TENM4: variants seen among roughly 807,000 people sequenced by gnomAD.
TENM4 encodes the protein teneurin-4.
A neutral mutation model predicts 243.3 loss-of-function variants in TENM4; 82 were observed. The ratio of observed to expected loss-of-function variants is 0.34; its 90% CI spans 0.28 to 0.40. TENM4 has a LOEUF of 0.40. TENM4 is among the 10% of genes least tolerant of loss of function. The pLI, the probability that TENM4 is intolerant of heterozygous loss-of-function variation, is 1.00. For missense variants in TENM4, 3,138 were observed against 3,673.3 expected (o/e 0.85, Z 3.77); for synonymous variants, 1,412 against 1,456.3 (o/e 0.97, Z 0.69).
intron 4 of TENM4, among the ~76,000 whole-genome samples, chr11:79,144,693 T>C (rs1862363542): frequency 6.6e-6 from 1 of 151,982 alleles, no homozygotes; most frequent in African/African-American, 2.4e-5. Context: ...AAGACAAACT[T>C]TGCATGTTCT....
chr11:79,172,234 T>C (rs759328884), intron 3 of TENM4, among the ~76,000 whole-genome samples: 1 of 152,126 alleles, frequency 6.6e-6, no homozygotes, highest in African/African-American at 2.4e-5. Context: ...ATCACAGGCA[T>C]GAGTCAATGC....
chr11:78,928,237 TC>T (rs776168712), intron 6 of TENM4, among the ~76,000 whole-genome samples: 27 of 152,338 alleles, frequency 1.8e-4, no homozygotes, highest in Admixed American at 1.2e-3. Flanking sequence ...TGGAGCAGTT[TC>T]CTGGAAGGAG....
At chr11:79,317,781 C>T (rs1301719509) in intron 1 of TENM4, among the ~76,000 whole-genome samples, 1 of 152,170 alleles carries the variant, frequency 6.6e-6, no homozygotes, top group Admixed American at 6.5e-5. Flanking sequence ...CCCAAAATAA[C>T]CTCTTTCCTA....
intron 19 of TENM4, among the ~76,000 whole-genome samples, chr11:78,746,150 A>T (rs1203674157): frequency 6.6e-6 from 1 of 152,168 alleles, no homozygotes; most frequent in Non-Finnish European, 1.5e-5. Context: ...TTTAAGTTAC[A>T]GGGGTCTTCT....
chr11:79,339,156 G>T (rs1163107675), intron 1 of TENM4, among the ~76,000 whole-genome samples: 2 of 152,134 alleles, frequency 1.3e-5, no homozygotes, highest in Non-Finnish European at 2.9e-5. Flanking sequence ...ATTGTTGGAC[G>T]GGGCTGTCCT....
intron 12 of TENM4, among the ~76,000 whole-genome samples, chr11:78,852,716 A>G (rs1858569144): frequency 6.6e-6 from 1 of 152,084 alleles, no homozygotes; most frequent in Non-Finnish European, 1.5e-5. Context: ...GTCTTGTAAG[A>G]GTTTTGGAAA....
At chr11:79,203,669 C>G (rs1324433840) in intron 3 of TENM4, among the ~76,000 whole-genome samples, 1 of 152,158 alleles carries the variant, frequency 6.6e-6, no homozygotes, top group African/African-American at 2.4e-5. Context: ...GTATCCAAAT[C>G]CAAGAATCTT....
At position 78,669,770 on chromosome 11, in the gene TENM4, T is replaced by C; in HGVS notation, c.6575A>G (p.Tyr2192Cys). The stretch of plus-strand genomic sequence containing the variant: ...GCCGTCAGCATCATACTCATAGGAG[T>C]AGCGAGTGGTATTGGCGTAGGGTCC... ...KVGPYANTTRYSYEYDADGQL... is the reference protein window; with the variant it reads ...KVGPYANTTRCSYEYDADGQL... The change falls in exon 32 of 34, where the codon TAC becomes TGC. Residue 2192 changes from tyrosine to cysteine, a missense_variant. By Grantham distance (194) the Tyr-to-Cys change is radical. Coordinates refer to ENST00000278550, the MANE Select transcript of TENM4 (RefSeq NM_001098816.3). The surrounding 1 kb of genome is among the most constrained non-coding windows in gnomAD (Gnocchi z 6.4). 1 of 1,613,726 alleles carries C rather than the reference T, an allele frequency of 6.2e-7. No homozygotes were observed. Among genetic ancestry groups the C allele is most frequent in the South Asian group, 1.1e-5 (1 of 91,062 alleles).
intron 2 of TENM4, among the ~76,000 whole-genome samples, chr11:79,239,899 T>C (rs1864555752): frequency 6.6e-6 from 1 of 152,038 alleles, no homozygotes; most frequent in Non-Finnish European, 1.5e-5. Flanking sequence ...ACTTCAGAAC[T>C]CTCCAGGCCT....
intron 6 of TENM4, among the ~76,000 whole-genome samples, chr11:79,017,610 T>G (rs762305265): frequency 1.4e-4 from 21 of 152,172 alleles, no homozygotes; most frequent in Admixed American, 7.2e-4. Context: ...AACTAATACT[T>G]TGTAACTACA....
At chr11:79,235,140 C>T (rs1397876815) in intron 2 of TENM4, among the ~76,000 whole-genome samples, 2 of 152,046 alleles carry the variant, frequency 1.3e-5, no homozygotes, top group African/African-American at 2.4e-5. Context: ...GGTGAAACCC[C>T]GTCTCTACTA....
chr11:79,358,512 A>G (rs1857534662), intron 1 of TENM4, among the ~76,000 whole-genome samples: 1 of 152,176 alleles, frequency 6.6e-6, no homozygotes, highest in African/African-American at 2.4e-5. Flanking sequence ...CTGTATGCAT[A>G]GCGTGATCAC....
At chr11:79,414,549 C>T (rs977608028) in intron 1 of TENM4, among the ~76,000 whole-genome samples, 9 of 152,140 alleles carry the variant, frequency 5.9e-5, no homozygotes, top group South Asian at 4.1e-4. Flanking sequence ...AACCTGCTGC[C>T]GAAAGCTTCT....
chr11:79,139,665 T>TATA (rs1248113847), intron 4 of TENM4, among the ~76,000 whole-genome samples: 1 of 101,600 alleles, frequency 9.8e-6, no homozygotes, highest in Non-Finnish European at 1.7e-5. Flanking sequence ...GTATATAAAA[T>TATA]ATATATATTT....
intron 12 of TENM4, among the ~76,000 whole-genome samples, chr11:78,816,097 C>T (rs1857599291): frequency 6.6e-6 from 1 of 152,240 alleles, no homozygotes; most frequent in Non-Finnish European, 1.5e-5. Context: ...AACTCTTCTG[C>T]AGGCTGGAGT....
chr11:78,954,732 T>A (rs1857173946), intron 6 of TENM4, among the ~76,000 whole-genome samples: 1 of 152,178 alleles, frequency 6.6e-6, no homozygotes, highest in South Asian at 2.1e-4. Context: ...ATAAAAAAAT[T>A]CACTAAAGGA....
At chr11:79,349,882 A>G (rs7483948) in intron 1 of TENM4, among the ~76,000 whole-genome samples, 1 of 152,330 alleles carries the variant, frequency 6.6e-6, no homozygotes, top group African/African-American at 2.4e-5. Context: ...AGGAGAATTC[A>G]TACTCTCTCT....
chr11:79,380,501 T>C (rs1033722795), intron 1 of TENM4, among the ~76,000 whole-genome samples: 1 of 152,236 alleles, frequency 6.6e-6, no homozygotes, highest in Admixed American at 6.5e-5. Context: ...CAGTGTTTAC[T>C]GAAGAGTCAT....
intron 12 of TENM4, among the ~76,000 whole-genome samples, chr11:78,817,729 G>A (rs1435953878): frequency 3.3e-5 from 5 of 152,256 alleles, no homozygotes; most frequent in African/African-American, 9.6e-5. Context: ...CTGCAGGGCT[G>A]AGGAAGGAGT....
Sources: gnomAD v4.1 joint callset for allele counts (sites outside exome capture counted in the v4.1 genomes callset) on GRCh38, gnomAD v4.1.1 for gene constraint, Gnocchi (gnomAD v3.1) non-coding constraint, MANE v1.5 for transcripts, NCBI Gene and HGNC (gene_info 2026-07-23, HGNC 2026-07-21) for gene names.